Variants in NPTX2 observed in about 807,000 individuals in gnomAD.
The protein encoded by NPTX2 is neuronal pentraxin 2.
A neutral mutation model predicts 38.1 loss-of-function variants in NPTX2; 23 were observed. That is an observed-to-expected ratio of 0.60 (90% CI 0.43 to 0.85). The LOEUF (loss-of-function observed/expected upper bound fraction) is 0.85, where lower values mean the gene tolerates loss of function less well. Among genes scored for constraint, NPTX2 ranks in the 40% least tolerant of loss-of-function variants. The probability of loss-of-function intolerance (pLI) is 0.00; values close to 1 mark genes in which losing one functional copy is unlikely to be tolerated. For synonymous variants in NPTX2, 291 were observed against 287.3 expected (o/e 1.01, Z -0.13); for missense variants, 553 against 615.3 (o/e 0.90, Z 1.07).
chr7:98,622,974 G>A (rs533007823), intron 2 of NPTX2, among the ~76,000 whole-genome samples: 54 of 152,248 alleles, frequency 3.5e-4, no homozygotes, highest in Non-Finnish European at 5.1e-4. Context: ...TGTGAACTGC[G>A]GCCCCCAAGA....
intron 2 of NPTX2, 34 bp from the exon 3 acceptor site, chr7:98,624,888 C>A: frequency 1.9e-6 from 3 of 1,590,896 alleles, no homozygotes; most frequent in Non-Finnish European, 2.6e-6. Flanking sequence ...GGTGGCCTAA[C>A]GCACTCCTGG....
chr7:98,628,521 A>T lies in NPTX2; in HGVS notation c.1188A>T (p.Thr396=), dbSNP rs541150876. Residue 396 remains threonine (T), a synonymous_variant, in exon 5 of 5, where the codon ACA becomes ACT. Coordinates refer to ENST00000265634, the MANE Select transcript of NPTX2 (RefSeq NM_002523.3). The stretch of plus-strand genomic sequence containing the variant: ...TTGTCAACATCGCCAACTGCTCCAC[A>T]AACATGCCGGGCAACATCATCCCGT... ...QEIVNIANCS[T]NMPGNIIPWV... 8.4e-5 allele frequency: 136 copies of T among 1,611,976 alleles called. 1 individual carries two copies. The Admixed American group carries it at 2.2e-3, about 26-fold the overall frequency.
At chr7:98,618,214 A>G (rs1368016772) in intron 1 of NPTX2, among the ~76,000 whole-genome samples, 1 of 151,844 alleles carries the variant, frequency 6.6e-6, no homozygotes, top group African/African-American at 2.4e-5. Flanking sequence ...GGCGCCAAAT[A>G]CCCGGGGACG....
At position 98,621,008 on chromosome 7, in the gene NPTX2, C is replaced by G. The variant is rs143389467; in HGVS notation, c.643+1149C>G. Reference sequence around the variant, plus strand: ...CCGTTTCATAGATGAGAAAAAGACTCCGTTCTCAGTGGGACATGTATCTTT... The same window carrying G: ...CCGTTTCATAGATGAGAAAAAGACTGCGTTCTCAGTGGGACATGTATCTTT... On this transcript the variant is annotated intron_variant, in intron 2 of 4. Transcript: ENST00000265634. 8.5e-5 allele frequency among the ~76,000 whole-genome samples: 13 copies of G among 152,210 alleles called. No individual in the cohort carries two copies. In the East Asian group the frequency reaches 2.1e-3, roughly 25 times the overall value.
At chr7:98,618,569 T>TCCCCCCCC (rs145792464) in intron 1 of NPTX2, among the ~76,000 whole-genome samples, 3 of 30,094 alleles carry the variant, frequency 1.0e-4, no homozygotes, top group East Asian at 9.2e-4. Flanking sequence ...TCTCTCTCTC[T>TCCCCCCCC]CCCCCCCTCC....
chr7:98,619,255 G>A, intron 1 of NPTX2, among the ~76,000 whole-genome samples: 1 of 152,088 alleles, frequency 6.6e-6, no homozygotes, highest in East Asian at 1.9e-4. Flanking sequence ...TTCATTTCTA[G>A]GTGAAAGCTC....
rs1234851336 is a variant in NPTX2, at chr7:98,617,734, A to G, written c.273A>G (p.Leu91=). The G allele has an allele frequency of 2.1e-6, 3 of 1,429,538 alleles. No homozygotes were observed. Among genetic ancestry groups the G allele is most frequent in the Non-Finnish European group, 2.7e-6 (3 of 1,104,012 alleles). The allele number at this position is 1,429,538 out of a possible 1,614,324, so 88.6% of individuals were successfully genotyped here. ...REAIRELTGK[L]ARCEGLAGGK... ...CCATCCGCGAGCTCACGGGCAAGCT[A>G]GCGCGCTGCGAGGGGCTGGCGGGCG... Residue 91 remains leucine, a synonymous_variant, in exon 1 of 5, where the codon CTA becomes CTG. Transcript: ENST00000265634.
At chr7:98,624,352 C>CA (rs1157202726) in intron 2 of NPTX2, among the ~76,000 whole-genome samples, 1 of 152,166 alleles carries the variant, frequency 6.6e-6, no homozygotes, top group African/African-American at 2.4e-5. Context: ...CTCGGCCTCC[C>CA]AAAATGCTGG....
chr7:98,625,138 A>T lies in NPTX2; in HGVS notation c.860A>T (p.Asn287Ile). ...NEIVLIEWGNNPIELLINDKV... is the reference protein window; with the variant it reads ...NEIVLIEWGNIPIELLINDKV... ...ATCGTGCTGATCGAGTGGGGCAACA[A>T]CCCCATCGAGCTGCTCATCAACGAC... is the stretch of plus-strand genomic sequence containing the variant. Residue 287 changes from asparagine (N) to isoleucine (I), a missense_variant, in exon 3 of 5, where the codon AAC (asparagine) becomes ATC (isoleucine). Physicochemically the swap from Asn to Ile is moderately radical, Grantham distance 149. Transcript: ENST00000265634. The T allele has an allele frequency of 6.2e-7, 1 of 1,603,586 alleles. No homozygotes were observed. Among genetic ancestry groups the T allele is most frequent in the Non-Finnish European group, 8.5e-7 (1 of 1,173,700 alleles).
At position 98,617,595 on chromosome 7, in the gene NPTX2, C is replaced by T. The variant is rs1394191245; in HGVS notation, c.134C>T (p.Ala45Val). 6 of 1,486,368 alleles carry T rather than the reference C, an allele frequency of 4.0e-6. No homozygotes were observed. Among genetic ancestry groups the T allele is most frequent in the African/African-American group, 1.5e-5 (1 of 68,524 alleles). The allele number at this position is 1,486,368 out of a possible 1,614,324, so 92.1% of individuals were successfully genotyped here. Residue 45 changes from alanine to valine, a missense_variant, in exon 1 of 5, where the codon GCG becomes GTG. Ala to Val is a moderately conservative substitution (Grantham distance 64). Transcript: ENST00000265634. Reference protein sequence around the residue: ...EAVHAGCPLPAMPMQGGAQSP... With the variant: ...EAVHAGCPLPVMPMQGGAQSP... ...GTGCACGCCGGCTGCCCGCTGCCCG[C>T]GATGCCCATGCAGGGCGGCGCGCAG...
At chr7:98,626,001 C>T (rs1562851014) in intron 3 of NPTX2, among the ~76,000 whole-genome samples, 1 of 151,930 alleles carries the variant, frequency 6.6e-6, no homozygotes, top group Non-Finnish European at 1.5e-5. Flanking sequence ...AGAAAGTTAG[C>T]TAGGTGTGGT....
chr7:98,617,474 C>A lies in NPTX2; in HGVS notation c.13C>A (p.Leu5Met). 2 of 1,180,964 alleles carry A rather than the reference C, an allele frequency of 1.7e-6. No individual in the cohort carries two copies. The highest frequency in any genetic ancestry group is 2.1e-6 in the Non-Finnish European group (2 of 941,062). 73.2% of individuals were successfully genotyped at this position (1,180,964 alleles called of 1,614,324 possible). A position where few individuals can be genotyped will look rare whatever the true frequency, so the allele number is the denominator to read the frequency against. Residue 5 changes from leucine to methionine, a missense_variant, in exon 1 of 5, where the codon CTG becomes ATG. Physicochemically the swap from Leu to Met is conservative, Grantham distance 15. Coordinates refer to ENST00000265634, the MANE Select transcript of NPTX2 (RefSeq NM_002523.3). MLAL[L>M]AASVALAVAA... ...CAGCGGCGGCGGGATGCTGGCGCTG[C>A]TGGCCGCCAGCGTGGCGCTCGCCGT...
Position 98,619,854 on chromosome 7 carries a change from A to C in NPTX2, c.638A>C (p.Glu213Ala). The change falls in exon 2 of 5, where the codon GAG becomes GCG. Residue 213 changes from glutamate to alanine, a missense_variant. Coordinates refer to ENST00000265634, the MANE Select transcript of NPTX2 (RefSeq NM_002523.3). ...CTGCTGCAGAGGGTCACCGAGCTGGAGCGAGGTGTGTGCCTGGCCTGTTTC... is the reference window on the plus strand; with the variant it reads ...CTGCTGCAGAGGGTCACCGAGCTGGCGCGAGGTGTGTGCCTGGCCTGTTTC... ...NALLQRVTEL[E>A]RGNSAFKSPD... is the part of the protein sequence containing the mutation. 6.2e-7 allele frequency: 1 copy of C among 1,613,578 alleles called. No individual in the cohort carries two copies. Among genetic ancestry groups the C allele is most frequent in the Non-Finnish European group, 8.5e-7 (1 of 1,179,894 alleles).
At chr7:98,625,275 C>T in intron 3 of NPTX2, 109 bp downstream of exon 3, 3 of 1,406,956 alleles carry the variant, frequency 2.1e-6, no homozygotes, top group Non-Finnish European at 2.9e-6. Context: ...CAGCAGTGTC[C>T]CAGACATGGG....
At chr7:98,627,038 A>G (rs1791361563) in intron 3 of NPTX2, 127 bp from the exon 4 acceptor site, 2 of 591,220 alleles carry the variant, frequency 3.4e-6, no homozygotes, top group Non-Finnish European at 5.6e-6. Context: ...TTCTCCACGC[A>G]TGACCCCGGT....
chr7:98,624,016 A>G (rs1791307725), intron 2 of NPTX2, among the ~76,000 whole-genome samples: 1 of 152,230 alleles, frequency 6.6e-6, no homozygotes, highest in African/African-American at 2.4e-5. Flanking sequence ...GTGGGAGTGC[A>G]GTGATGCAAT....
chr7:98,623,058 C>G (rs910567106), intron 2 of NPTX2, among the ~76,000 whole-genome samples: 1 of 152,158 alleles, frequency 6.6e-6, no homozygotes, highest in African/African-American at 2.4e-5. Flanking sequence ...TTTATCTATT[C>G]TGGCTCATGT....
Position 98,617,363 on chromosome 7 carries a change from CG to C in NPTX2, c.-98del. On this transcript the variant is annotated 5_prime_UTR_variant, in exon 1 of 5. Transcript: ENST00000265634. ...CCCGCGGTGCACGCGACCCTCGAGA[CG>C]ACAGCGCGGCTACTGCCAGCAGCGA... is the stretch of plus-strand genomic sequence containing the variant. The C allele has an allele frequency of 3.2e-6, 1 of 315,092 alleles. No homozygotes were observed. 19.5% of individuals were successfully genotyped at this position (315,092 alleles called of 1,614,324 possible). A position where few individuals can be genotyped will look rare whatever the true frequency, so the allele number is the denominator to read the frequency against.
In NPTX2 at chr7:98,617,330, A is replaced by G; in HGVS notation, c.-132A>G. 4 of 290,020 alleles carry G rather than the reference A, an allele frequency of 1.4e-5. No individual in the cohort carries two copies. Among genetic ancestry groups the G allele is most frequent in the Non-Finnish European group, 2.5e-5 (4 of 158,634 alleles). The allele number at this position is 290,020 out of a possible 1,614,324, so 18.0% of individuals were successfully genotyped here. On this transcript the variant is annotated 5_prime_UTR_variant, in exon 1 of 5. Coordinates refer to ENST00000265634, the MANE Select transcript of NPTX2 (RefSeq NM_002523.3). ...GGGTGCGGCTGTGAGACGGCAGGAG[A>G]CTTCTGCCCCGCGGTGCACGCGACC...
Sources: gnomAD v4.1 joint callset for allele counts (sites outside exome capture counted in the v4.1 genomes callset) on GRCh38, gnomAD v4.1.1 for gene constraint, MANE v1.5 for transcripts, NCBI Gene and HGNC (gene_info 2026-07-23, HGNC 2026-07-21) for gene names.